Variants in ABCD2 observed in about 807,000 individuals in gnomAD.
ABCD2 encodes the protein ATP binding cassette subfamily D member 2, also known as ATP-binding cassette sub-family D member 2.
In ABCD2, 36 loss-of-function variants were observed where a neutral mutation model predicts 70.9. The ratio of observed to expected loss-of-function variants is 0.51; its 90% CI spans 0.39 to 0.67. ABCD2 has a LOEUF of 0.67. Among genes scored for constraint, ABCD2 ranks in the 30% least tolerant of loss-of-function variants. The pLI is 0.00. For missense variants in ABCD2, 729 were observed against 890.2 expected (o/e 0.82, Z 2.30); for synonymous variants, 304 against 306.9 (o/e 0.99, Z 0.10).
At chr12:39,549,124 A>C (rs918297650), downstream of ABCD2, among the ~76,000 whole-genome samples, 9 of 151,978 alleles carry the variant, frequency 5.9e-5, no homozygotes, top group African/African-American at 1.9e-4. Flanking sequence ...CAACATGCTA[A>C]ATACATAGGA....
chr12:39,615,529 T>C (rs960799157), intron 2 of ABCD2, among the ~76,000 whole-genome samples: 3 of 152,066 alleles, frequency 2.0e-5, no homozygotes, highest in Non-Finnish European at 1.5e-5. Flanking sequence ...TTCTTTTTAG[T>C]AAATTTTGAA....
intron 9 of ABCD2, among the ~76,000 whole-genome samples, chr12:39,570,316 C>T (rs1941428894): frequency 6.6e-6 from 1 of 152,206 alleles, no homozygotes; most frequent in Non-Finnish European, 1.5e-5. Context: ...GGAGCCATCA[C>T]ACTACCTGGT....
Position 39,588,176 on chromosome 12 carries a change from T to A in ABCD2, c.1647-1879A>T, listed in dbSNP as rs116008690. On this transcript the variant is annotated intron_variant, in intron 6 of 9. Transcript: ENST00000308666. The stretch of plus-strand genomic sequence containing the variant: ...ATTTATGTTTTTTAATAAAAAAATT[T>A]CTAGCCCTATCTACATCTGGAACAG... Among the ~76,000 whole-genome samples the A allele has an allele frequency of 5.1e-3, 770 of 152,248 alleles. 4 individuals carry two copies. The highest frequency in any genetic ancestry group is 0.017 in the African/African-American group (717 of 41,538).
chr12:39,558,939 T>C (rs1320503179), intron 9 of ABCD2, among the ~76,000 whole-genome samples: 3 of 151,786 alleles, frequency 2.0e-5, no homozygotes, highest in African/African-American at 2.4e-5. Flanking sequence ...AAAAATGCAA[T>C]GGAGACATCA....
intron 6 of ABCD2, among the ~76,000 whole-genome samples, chr12:39,592,810 T>C (rs1269701710): frequency 1.3e-5 from 2 of 152,186 alleles, no homozygotes. Context: ...CCTCAAGAGG[T>C]GCACCCTGTT....
rs1026454815 is a variant in ABCD2, at chr12:39,550,868, A to G, written c.*3044T>C. 3 of 151,714 alleles carry G rather than the reference A, an allele frequency of 2.0e-5. No individual in the cohort carries two copies. Among genetic ancestry groups the G allele is most frequent in the Non-Finnish European group, 4.4e-5 (3 of 67,638 alleles). The allele number at this position is 151,714 out of a possible 1,614,324, so 9.4% of individuals were successfully genotyped here. On this transcript the variant is annotated 3_prime_UTR_variant, in exon 10 of 10. Coordinates refer to ENST00000308666, the MANE Select transcript of ABCD2 (RefSeq NM_005164.4). ...GTTTCAATGTGTAACAGATTTTCCT[A>G]GACTCATTGAATCAAAAAGCTATTC... is the stretch of plus-strand genomic sequence containing the variant.
intron 7 of ABCD2, among the ~76,000 whole-genome samples, chr12:39,580,404 C>T (rs947786813): frequency 2.0e-5 from 3 of 152,118 alleles, no homozygotes; most frequent in African/African-American, 7.2e-5. Flanking sequence ...ATTTTTCTTA[C>T]AAATAGAGTA....
intron 9 of ABCD2, 32 bp downstream of exon 9, chr12:39,573,684 A>G (rs560000750): frequency 3.8e-6 from 6 of 1,588,414 alleles, no homozygotes; most frequent in Admixed American, 3.6e-5. Context: ...AGGAAAAACC[A>G]TCTACCACAA....
At chr12:39,615,993 C>A (rs1942109811) in intron 2 of ABCD2, among the ~76,000 whole-genome samples, 1 of 152,064 alleles carries the variant, frequency 6.6e-6, no homozygotes, top group Non-Finnish European at 1.5e-5. Context: ...CACAACAATT[C>A]TCTGAAGTAG....
intron 2 of ABCD2, among the ~76,000 whole-genome samples, chr12:39,612,316 A>T (rs932765092): frequency 6.6e-6 from 1 of 152,196 alleles, no homozygotes; most frequent in Admixed American, 6.5e-5. Context: ...AGCAAACTGG[A>T]TACAATCTAA....
intron 7 of ABCD2, among the ~76,000 whole-genome samples, chr12:39,582,688 G>A (rs190712608): frequency 6.6e-6 from 1 of 152,082 alleles, no homozygotes; most frequent in East Asian, 1.9e-4. Context: ...TATATAGTAG[G>A]AATTACAAAT....
the ABCD2 span, among the ~76,000 whole-genome samples, chr12:39,538,775 G>T: frequency 6.6e-6 from 1 of 152,186 alleles, no homozygotes; most frequent in African/African-American, 2.4e-5. Context: ...TAGCAGAAGC[G>T]GGAAGAGAGC....
chr12:39,545,718 G>A (rs2120486139), downstream of ABCD2, among the ~76,000 whole-genome samples: 1 of 152,240 alleles, frequency 6.6e-6, no homozygotes, highest in South Asian at 2.1e-4. Context: ...TGTTGGCATT[G>A]AGTTTTTTTT....
intron 4 of ABCD2, among the ~76,000 whole-genome samples, chr12:39,604,555 A>T (rs1453373360): frequency 6.6e-6 from 1 of 152,014 alleles, no homozygotes; most frequent in Non-Finnish European, 1.5e-5. Flanking sequence ...TTGTGTCCTA[A>T]ATAAAAGTAG....
Position 39,558,788 on chromosome 12 carries a change from A to C in ABCD2, c.2004-4657T>G, listed in dbSNP as rs2120537775. Among the ~76,000 whole-genome samples the C allele has an allele frequency of 2.0e-5, 3 of 152,312 alleles. No homozygotes were observed. In the South Asian group the frequency reaches 6.2e-4, roughly 32 times the overall value. ...CCAGTCTCAGGCAGTTCTTTATAGC[A>C]GTATGAAAATGAACTAATACAGCGC... On this transcript the variant is annotated intron_variant, in intron 9 of 9. Transcript: ENST00000308666.
intron 9 of ABCD2, among the ~76,000 whole-genome samples, chr12:39,554,397 T>C (rs1941131261): frequency 6.6e-6 from 1 of 152,164 alleles, no homozygotes; most frequent in South Asian, 2.1e-4. Flanking sequence ...GTTGCATGTA[T>C]TTAATTTCTT....
chr12:39,606,274 T>C (rs1160673900), intron 3 of ABCD2, among the ~76,000 whole-genome samples: 4 of 152,122 alleles, frequency 2.6e-5, no homozygotes, highest in Admixed American at 6.6e-5. Flanking sequence ...AGGGAATTTG[T>C]CTTAGAACCC....
intron 6 of ABCD2, among the ~76,000 whole-genome samples, chr12:39,587,519 T>C (rs1941682283): frequency 6.6e-6 from 1 of 152,166 alleles, no homozygotes; most frequent in Non-Finnish European, 1.5e-5. Flanking sequence ...TCTTCCCGGT[T>C]GAGAACCACT....
At chr12:39,614,719 C>A (rs550977417) in intron 2 of ABCD2, among the ~76,000 whole-genome samples, 2 of 151,980 alleles carry the variant, frequency 1.3e-5, no homozygotes, top group African/African-American at 4.8e-5. Context: ...TAAAAAAATT[C>A]TTTTGGCTAA....
Sources: allele counts gnomAD v4.1 joint callset (sites outside exome capture counted in the v4.1 genomes callset), GRCh38; gene constraint gnomAD v4.1.1; transcripts MANE v1.5; gene names NCBI Gene and HGNC (gene_info 2026-07-23, HGNC 2026-07-21).